The following CTNNA1 variants were observed in gnomAD, a reference collection of about 807,000 sequenced individuals.
CTNNA1 encodes the protein catenin alpha-1.
In CTNNA1, 37 loss-of-function variants were observed where a neutral mutation model predicts 98.4. The ratio of observed to expected loss-of-function variants is 0.38; its 90% CI spans 0.29 to 0.49. The LOEUF is 0.49. Among genes scored for constraint, CTNNA1 ranks in the 20% least tolerant of loss-of-function variants. The pLI is 0.95. For synonymous variants in CTNNA1, 404 were observed against 413.2 expected, an observed-to-expected ratio of 0.98 and a Z score of 0.27; for missense variants, 761 against 1,147.2, an observed-to-expected ratio of 0.66 and a Z score of 4.86.
At chr5:138,757,860 C>G (rs1457817075) in intron 1 of CTNNA1, among the ~76,000 whole-genome samples, 1 of 152,186 alleles carries the variant, frequency 6.6e-6, no homozygotes, top group Non-Finnish European at 1.5e-5. Context: ...AGGCAACAGT[C>G]AGATTATGGA....
intron 3 of CTNNA1, among the ~76,000 whole-genome samples, chr5:138,788,109 C>T (rs1755920039): frequency 6.6e-6 from 1 of 152,160 alleles, no homozygotes; most frequent in Admixed American, 6.5e-5. Context: ...CGTATCCCCC[C>T]ATCCTTATCA....
chr5:138,894,528 C>T (rs894366470), intron 9 of CTNNA1, among the ~76,000 whole-genome samples: 3 of 151,998 alleles, frequency 2.0e-5, no homozygotes, highest in Non-Finnish European at 4.4e-5. Flanking sequence ...CCACCTTGGC[C>T]TCCCAAAGTG....
intron 14 of CTNNA1, 109 bp downstream of exon 14, chr5:138,929,465 T>G: frequency 1.6e-6 from 1 of 633,468 alleles, no homozygotes; most frequent in Non-Finnish European, 2.8e-6. Flanking sequence ...TTTCTCTCTC[T>G]CTGTCTCTCT....
intron 5 of CTNNA1, among the ~76,000 whole-genome samples, chr5:138,823,365 TG>T (rs1285022136): frequency 6.6e-6 from 1 of 152,132 alleles, no homozygotes; most frequent in Non-Finnish European, 1.5e-5. Flanking sequence ...ATTATAATTA[TG>T]GGGTAGAAGA....
At chr5:138,769,338 C>G (rs1316260191) in intron 1 of CTNNA1, among the ~76,000 whole-genome samples, 1 of 151,662 alleles carries the variant, frequency 6.6e-6, no homozygotes, top group Non-Finnish European at 1.5e-5. Context: ...CCCTTAGTCC[C>G]ACTGTGTTTT....
At chr5:138,790,736 G>C (rs1452594164) in intron 3 of CTNNA1, among the ~76,000 whole-genome samples, 1 of 152,198 alleles carries the variant, frequency 6.6e-6, no homozygotes, top group Non-Finnish European at 1.5e-5. Flanking sequence ...TGCAATTTTG[G>C]TTTTAATGGT....
At chr5:138,889,914 T>C (rs1024568706) in intron 9 of CTNNA1, among the ~76,000 whole-genome samples, 11 of 152,218 alleles carry the variant, frequency 7.2e-5, no homozygotes, top group African/African-American at 1.2e-4. Context: ...TCCTGACTTA[T>C]GGCAGAATTT....
chr5:138,816,914 G>A (rs1156970788), intron 5 of CTNNA1, among the ~76,000 whole-genome samples: 2 of 152,174 alleles, frequency 1.3e-5, no homozygotes, highest in African/African-American at 2.4e-5. Context: ...GGCCAGGCTG[G>A]TCTCGAACTC....
At chr5:138,767,971 T>C (rs934009107) in intron 1 of CTNNA1, among the ~76,000 whole-genome samples, 1 of 152,234 alleles carries the variant, frequency 6.6e-6, no homozygotes, top group Non-Finnish European at 1.5e-5. Flanking sequence ...ACCCTAGATA[T>C]ATTGAATCAG....
chr5:138,819,455 T>C (rs1759789580), intron 5 of CTNNA1, among the ~76,000 whole-genome samples: 1 of 152,198 alleles, frequency 6.6e-6, no homozygotes, highest in Admixed American at 6.5e-5. Context: ...GCTCAGCCAC[T>C]GTTCTGTTTC....
At position 138,874,896 on chromosome 5, in the gene CTNNA1, G is replaced by A. The variant is rs371495848; in HGVS notation, c.1063-11316G>A. On this transcript the variant is annotated intron_variant, in intron 7 of 17. Transcript: ENST00000302763. This position sits in a 1 kb window ranked among gnomAD's most constrained non-coding sequence, Gnocchi z 4.1. ...TGTTGAATGTACAAGACATATAAAT[G>A]CACAGACTTACCCATTCTTCTGAGC... 2 of 1,612,136 alleles carry A rather than the reference G, an allele frequency of 1.2e-6. No homozygotes were observed. Among genetic ancestry groups the A allele is most frequent in the African/African-American group, 2.7e-5 (2 of 74,878 alleles).
intron 3 of CTNNA1, among the ~76,000 whole-genome samples, chr5:138,784,901 T>C (rs1755506768): frequency 6.6e-6 from 1 of 152,168 alleles, no homozygotes; most frequent in South Asian, 2.1e-4. Flanking sequence ...ACATCAACCA[T>C]TGAATTAGGG....
intron 6 of CTNNA1, among the ~76,000 whole-genome samples, chr5:138,826,849 GTGCAGTGGC>G (rs1760771703): frequency 6.6e-6 from 1 of 152,228 alleles, no homozygotes; most frequent in Non-Finnish European, 1.5e-5. Context: ...CCAGGCTGGA[GTGCAGTGGC>G]ACAATCATAG....
At chr5:138,919,456 C>A (rs969826116) in intron 11 of CTNNA1, among the ~76,000 whole-genome samples, 1 of 152,162 alleles carries the variant, frequency 6.6e-6, no homozygotes, top group Non-Finnish European at 1.5e-5. Context: ...ATGCACCATT[C>A]GTCAAATCAG....
At chr5:138,901,054 C>G (rs1218712099) in intron 9 of CTNNA1, among the ~76,000 whole-genome samples, 4 of 152,132 alleles carry the variant, frequency 2.6e-5, no homozygotes, top group Non-Finnish European at 5.9e-5. Flanking sequence ...ATACTTCTCA[C>G]TGTTCTACGA....
intron 1 of CTNNA1, among the ~76,000 whole-genome samples, chr5:138,761,472 A>G (rs1752360126): frequency 6.6e-6 from 1 of 152,076 alleles, no homozygotes; most frequent in Non-Finnish European, 1.5e-5. Context: ...CCTGACCTCA[A>G]ATGATCCGTC....
At chr5:138,813,494 C>T (rs759705703) in intron 5 of CTNNA1, among the ~76,000 whole-genome samples, 4 of 152,054 alleles carry the variant, frequency 2.6e-5, no homozygotes, top group African/African-American at 7.3e-5. Flanking sequence ...CAGAAACACC[C>T]GACAAAAGGT....
rs777826985 is a variant in CTNNA1 at position 138,777,988 on chromosome 5, C to CTTTTT, written c.-2-3916_-2-3912dup. ...GGAGGGGAAATGTTTCTTAATCTGT[C>CTTTTT]TTTTTTTTTTTTTTTTTTTTTTTAA... On this transcript the variant is annotated intron_variant, in intron 1 of 17. Coordinates refer to ENST00000302763, the MANE Select transcript of CTNNA1 (RefSeq NM_001903.5). Among the ~76,000 whole-genome samples the CTTTTT allele has an allele frequency of 4.0e-3, 59 of 14,858 alleles. 22 individuals are homozygous for CTTTTT. The highest frequency in any genetic ancestry group is 0.014 in the East Asian group (2 of 148). 9.7% of individuals were successfully genotyped at this position (14,858 alleles called of 152,430 possible).
chr5:138,776,088 A>T (rs181520651), intron 1 of CTNNA1, among the ~76,000 whole-genome samples: 1 of 118,590 alleles, frequency 8.4e-6, no homozygotes, highest in African/African-American at 3.3e-5. Context: ...GGTGTTTCTC[A>T]CAGAGGGGGA....
Sources: gnomAD v4.1 joint callset for allele counts (sites outside exome capture counted in the v4.1 genomes callset) on GRCh38, gnomAD v4.1.1 for gene constraint, Gnocchi (gnomAD v3.1) non-coding constraint, MANE v1.5 for transcripts, NCBI Gene and HGNC (gene_info 2026-07-23, HGNC 2026-07-21) for gene names.